The following CNGB3 variants were observed in gnomAD, a reference collection of about 807,000 sequenced individuals.
CNGB3 encodes the protein cyclic nucleotide-gated channel beta-3.
A neutral mutation model predicts 92.8 loss-of-function variants in CNGB3; 86 were observed. The observed-to-expected ratio is 0.93, with a 90% CI of 0.78 to 1.11. The LOEUF is 1.11. Among genes scored for constraint, CNGB3 ranks in the 50% least tolerant of loss-of-function variants. The pLI is 0.00. For missense variants in CNGB3, 1,026 were observed against 956.8 expected (o/e 1.07, Z -0.95); for synonymous variants, 333 against 332.7 (o/e 1.00, Z -0.01).
At chr8:86,631,510 A>G (rs1822960751) in intron 11 of CNGB3, among the ~76,000 whole-genome samples, 1 of 152,154 alleles carries the variant, frequency 6.6e-6, no homozygotes, top group African/African-American at 2.4e-5. Flanking sequence ...TCTCATTCGT[A>G]AAACAGAGAA....
chr8:86,667,428 C>T (rs539582073), intron 5 of CNGB3, among the ~76,000 whole-genome samples: 5 of 152,302 alleles, frequency 3.3e-5, no homozygotes, highest in South Asian at 2.1e-4. Context: ...GATCAGGCAA[C>T]GAGAATTTCA....
chr8:86,604,894 C>A (rs1822384416), intron 14 of CNGB3, among the ~76,000 whole-genome samples: 1 of 152,128 alleles, frequency 6.6e-6, no homozygotes, highest in African/African-American at 2.4e-5. Context: ...AGGCTGTCAA[C>A]ACTATTTAAT....
In CNGB3 at chr8:86,574,235, AG is replaced by A; in HGVS notation, c.*1568del. 1 of 152,300 alleles carries A rather than the reference AG, an allele frequency of 6.6e-6. No individual in the cohort carries two copies. The highest frequency in any genetic ancestry group is 1.9e-4 in the East Asian group (1 of 5,190). The allele number at this position is 152,300 out of a possible 1,614,324, so 9.4% of individuals were successfully genotyped here. The stretch of plus-strand genomic sequence containing the variant: ...AATAAATTACAGGGTGTAAAGGGAA[AG>A]CATATTGCTCACAAGTTGAGGACTT... On this transcript the variant is annotated 3_prime_UTR_variant, in exon 18 of 18. Coordinates refer to ENST00000320005, the MANE Select transcript of CNGB3 (RefSeq NM_019098.5).
In CNGB3 at chr8:86,711,241, G is replaced by C. The variant is rs1340537843; in HGVS notation, c.338+15290C>G. Among the ~76,000 whole-genome samples, 3 of 152,100 alleles carry C rather than the reference G, an allele frequency of 2.0e-5. No individual in the cohort carries two copies. In the East Asian group the frequency reaches 5.8e-4, roughly 29 times the overall value. ...CTACCTCCTGTCTCTTTTGTTATCAGATTAACTCTGTTGTTTTAATATCCC... is the reference window on the plus strand; with the variant it reads ...CTACCTCCTGTCTCTTTTGTTATCACATTAACTCTGTTGTTTTAATATCCC... On this transcript the variant is annotated intron_variant, in intron 3 of 17. Transcript: ENST00000320005.
At chr8:86,684,946 A>G (rs1252506156) in intron 3 of CNGB3, among the ~76,000 whole-genome samples, 2 of 152,056 alleles carry the variant, frequency 1.3e-5, no homozygotes, top group Admixed American at 1.3e-4. Context: ...ATTGCACAAA[A>G]CTAAATATGC....
chr8:86,694,082 C>CCT, intron 3 of CNGB3, among the ~76,000 whole-genome samples: 2 of 103,742 alleles, frequency 1.9e-5, no homozygotes, highest in Middle Eastern at 9.1e-3. Context: ...GGGGGCTGAC[C>CCT]CCCCCACCTC....
chr8:86,707,138 A>C (rs189252996), intron 3 of CNGB3, among the ~76,000 whole-genome samples: 161 of 152,294 alleles, frequency 1.1e-3, no homozygotes, highest in African/African-American at 3.6e-3. Flanking sequence ...GCTCCCATCC[A>C]TCCATCCATT....
chr8:86,658,321 G>T, intron 6 of CNGB3: 1 of 483,808 alleles, frequency 2.1e-6, no homozygotes, highest in Non-Finnish European at 3.9e-6. Flanking sequence ...GGGATGCTTG[G>T]CATGAGCGGA....
chr8:86,737,954 T>C (rs1271455753), intron 2 of CNGB3, among the ~76,000 whole-genome samples: 1 of 152,212 alleles, frequency 6.6e-6, no homozygotes, highest in Non-Finnish European at 1.5e-5. Context: ...AAATTTATAA[T>C]CTTCTTGTAA....
At chr8:86,713,685 T>C (rs989421739) in intron 3 of CNGB3, among the ~76,000 whole-genome samples, 1 of 152,204 alleles carries the variant, frequency 6.6e-6, no homozygotes, top group Non-Finnish European at 1.5e-5. Context: ...ATTAAAACTA[T>C]ATAAGTTTAG....
chr8:86,637,873 C>T (rs1225490093), intron 10 of CNGB3, among the ~76,000 whole-genome samples: 1 of 152,114 alleles, frequency 6.6e-6, no homozygotes, highest in Non-Finnish European at 1.5e-5. Context: ...ATTCTTTTCC[C>T]AGTCAATCCT....
intron 3 of CNGB3, among the ~76,000 whole-genome samples, chr8:86,685,583 A>G (rs983684394): frequency 1.3e-5 from 2 of 152,126 alleles, no homozygotes; most frequent in South Asian, 4.1e-4. Flanking sequence ...AGCTGTGTCT[A>G]TATCACTAAC....
chr8:86,636,974 T>C (rs924131325), intron 10 of CNGB3, among the ~76,000 whole-genome samples: 28 of 152,222 alleles, frequency 1.8e-4, no homozygotes, highest in Admixed American at 1.8e-3. Context: ...TATATGTGCA[T>C]ATTTGCCATA....
intron 3 of CNGB3, among the ~76,000 whole-genome samples, chr8:86,691,278 G>A (rs191203047): frequency 2.6e-5 from 4 of 152,228 alleles, no homozygotes; most frequent in Admixed American, 2.6e-4. Flanking sequence ...TTTTGGATGA[G>A]TGTTTAGGGT....
chr8:86,594,406 G>A (rs560208363), intron 15 of CNGB3: 7 of 287,418 alleles, frequency 2.4e-5, no homozygotes, highest in Non-Finnish European at 4.0e-5. Context: ...CAAACCAGGC[G>A]TGCTTGCTCC....
intron 2 of CNGB3, among the ~76,000 whole-genome samples, chr8:86,736,946 A>T (rs973011069): frequency 2.0e-5 from 3 of 152,208 alleles, no homozygotes; most frequent in African/African-American, 7.2e-5. Context: ...AGCTTTAGTC[A>T]TGAGTTAGGA....
chr8:86,606,146 G>GTT (rs34987710), intron 14 of CNGB3, among the ~76,000 whole-genome samples: 47 of 91,964 alleles, frequency 5.1e-4, no homozygotes, highest in South Asian at 1.8e-3. Flanking sequence ...TTTGGGGTTG[G>GTT]TTTTTTTTTT....
At chr8:86,639,823 T>A (rs1823146594) in intron 10 of CNGB3, among the ~76,000 whole-genome samples, 1 of 152,138 alleles carries the variant, frequency 6.6e-6, no homozygotes, top group Non-Finnish European at 1.5e-5. Flanking sequence ...TGACAGTTGG[T>A]AACAGGATTG....
intron 3 of CNGB3, among the ~76,000 whole-genome samples, chr8:86,699,711 C>G (rs1465380894): frequency 1.3e-5 from 2 of 152,114 alleles, no homozygotes; most frequent in Admixed American, 1.3e-4. Flanking sequence ...AATTTAATTG[C>G]CCAGAATTTC....
Sources: allele counts gnomAD v4.1 joint callset (sites outside exome capture counted in the v4.1 genomes callset), GRCh38; gene constraint gnomAD v4.1.1; transcripts MANE v1.5; gene names NCBI Gene and HGNC (gene_info 2026-07-23, HGNC 2026-07-21).